Variants in SCUBE2 observed in about 807,000 individuals in gnomAD.
SCUBE2 encodes signal peptide, CUB domain and EGF like domain containing 2, also known as signal peptide, CUB and EGF-like domain-containing protein 2.
Under a neutral mutation model 125.9 loss-of-function variants are expected in SCUBE2, and 114 were observed. The ratio of observed to expected loss-of-function variants is 0.91; its 90% CI spans 0.78 to 1.06. The LOEUF (loss-of-function observed/expected upper bound fraction) is 1.06, where lower values mean the gene tolerates loss of function less well. Among genes scored for constraint, SCUBE2 ranks in the 50% least tolerant of loss-of-function variants. The pLI is 0.00. For missense variants in SCUBE2, 1,255 were observed against 1,301.8 expected, an observed-to-expected ratio of 0.96 and a Z score of 0.55; for synonymous variants, 459 against 492.9, an observed-to-expected ratio of 0.93 and a Z score of 0.91.
chr11:9,071,668 C>T (rs1860811579), intron 4 of SCUBE2, among the ~76,000 whole-genome samples: 1 of 152,174 alleles, frequency 6.6e-6, no homozygotes, highest in Admixed American at 6.5e-5. Context: ...TTCTGGTGCA[C>T]CCCAAGATCA....
In SCUBE2 at chr11:9,041,883, T is replaced by C. The variant is rs574302067; in HGVS notation, c.2002+5473A>G. 9.2e-5 allele frequency among the ~76,000 whole-genome samples: 14 copies of C among 152,124 alleles called. No individual in the cohort carries two copies. The East Asian group carries it at 2.7e-3, about 29-fold the overall frequency. On this transcript the variant is annotated intron_variant, in intron 16 of 22. Coordinates refer to ENST00000649792, the MANE Select transcript of SCUBE2 (RefSeq NM_001367977.2). Reference sequence around the variant, plus strand: ...CTAGCAGAGGAGAAGAATTCTGAGATGGGAGGGGTTGATGGGGACAGCATG... The same window carrying C: ...CTAGCAGAGGAGAAGAATTCTGAGACGGGAGGGGTTGATGGGGACAGCATG...
intron 19 of SCUBE2, 83 bp from the exon 20 acceptor site, chr11:9,027,644 C>A (rs768230183): frequency 5.3e-5 from 62 of 1,178,072 alleles, no homozygotes; most frequent in Non-Finnish European, 7.5e-5. Flanking sequence ...CCCCGCAGCA[C>A]CCCTGTTGCC....
intron 15 of SCUBE2, 58 bp from the exon 16 acceptor site, chr11:9,047,620 T>C (rs1352016648): frequency 3.9e-6 from 6 of 1,537,950 alleles, no homozygotes; most frequent in African/African-American, 1.4e-5. Context: ...CGTGTGACAA[T>C]GGCCAGATCA....
chr11:9,079,771 T>TA (rs1564848533), intron 2 of SCUBE2, among the ~76,000 whole-genome samples: 2 of 151,948 alleles, frequency 1.3e-5, no homozygotes, highest in East Asian at 1.9e-4. Flanking sequence ...GCAGCTATTT[T>TA]AAAAAAAAGA....
intron 8 of SCUBE2, among the ~76,000 whole-genome samples, chr11:9,060,041 C>G (rs1445287742): frequency 6.6e-6 from 1 of 152,190 alleles, no homozygotes; most frequent in East Asian, 1.9e-4. Flanking sequence ...GGATAATCAT[C>G]TTGACTGTTA....
rs1452341610 is a variant in SCUBE2 at position 9,059,350 on chromosome 11, C to A, written c.1043G>T (p.Gly348Val). ...CKNIVGSFDC[G>V]CKKGFKLLTD... ...TAATAATTTAAATCCTTTCTTGCAG[C>A]CGCAGTCAAAACTGCCCACGATGTT... is the stretch of plus-strand genomic sequence containing the variant. The change falls in exon 9 of 23, where the codon GGC becomes GTC. Residue 348 changes from glycine to valine, a missense_variant. Physicochemically the swap from Gly to Val is moderately radical, Grantham distance 109. This residue lies in a region of SCUBE2 where 378 missense variants were observed against 463.1 expected (regional missense o/e 0.82). Transcript: ENST00000649792. 2 of 1,614,090 alleles carry A rather than the reference C, an allele frequency of 1.2e-6. No individual in the cohort carries two copies. The highest frequency in any genetic ancestry group is 4.5e-5 in the East Asian group (2 of 44,904).
intron 1 of SCUBE2, among the ~76,000 whole-genome samples, 190 bp from the exon 2 acceptor site, chr11:9,090,019 C>G (rs1340274080): frequency 2.0e-5 from 3 of 152,062 alleles, no homozygotes; most frequent in Admixed American, 1.3e-4. Context: ...GGACACTCTA[C>G]GTGAAATTAC....
intron 16 of SCUBE2, among the ~76,000 whole-genome samples, chr11:9,042,092 C>A (rs1275797223): frequency 6.6e-6 from 1 of 152,098 alleles, no homozygotes; most frequent in Non-Finnish European, 1.5e-5. Flanking sequence ...GCTAGACTCC[C>A]AGACACCCAT....
At chr11:9,076,193 G>A (rs1305532686) in intron 3 of SCUBE2, among the ~76,000 whole-genome samples, 3 of 152,116 alleles carry the variant, frequency 2.0e-5, no homozygotes, top group Admixed American at 1.3e-4. Flanking sequence ...GACAGCCAGA[G>A]GTAGAATCCC....
intron 3 of SCUBE2, among the ~76,000 whole-genome samples, chr11:9,078,543 C>T (rs1162334259): frequency 1.3e-5 from 2 of 152,180 alleles, no homozygotes; most frequent in Non-Finnish European, 2.9e-5. Flanking sequence ...CCATTCCTAC[C>T]ACACCATAAG....
intron 13 of SCUBE2, among the ~76,000 whole-genome samples, chr11:9,051,103 C>T (rs1190774859): frequency 6.6e-6 from 1 of 152,150 alleles, no homozygotes; most frequent in East Asian, 1.9e-4. Flanking sequence ...GCAGAGGTTG[C>T]AGTGAGCTGA....
At chr11:9,069,987 A>G (rs969939417) in intron 4 of SCUBE2, among the ~76,000 whole-genome samples, 1 of 152,158 alleles carries the variant, frequency 6.6e-6, no homozygotes, top group African/African-American at 2.4e-5. Flanking sequence ...TTCTGAGGTG[A>G]GTGTGACTGT....
At chr11:9,030,183 A>G in intron 18 of SCUBE2, 138 bp from the exon 19 acceptor site, 1 of 906,498 alleles carries the variant, frequency 1.1e-6, no homozygotes. Context: ...TCTGGGGCTA[A>G]TCAACACTTA....
chr11:9,054,725 A>ATATATATATATATATATTTTTTT (rs1368153935), intron 10 of SCUBE2, among the ~76,000 whole-genome samples: 1 of 22,348 alleles, frequency 4.5e-5, no homozygotes. Flanking sequence ...ATATATATAT[A>ATATATATATATATATATTTTTTT]TTTTTTTTTT....
In SCUBE2 at chr11:9,033,714, T is replaced by C; in HGVS notation, c.2085A>G (p.Glu695=). Residue 695 remains glutamate, a synonymous_variant, in exon 17 of 23, where the codon GAA becomes GAG. Transcript: ENST00000649792. ...LCPNGTFQNE[E]GQMTCEPCPR... ...GGCATGGTTCACAAGTCATTTGTCC[T>C]TCCTCATTTTGGAAGGTTCCATTTG... 6.2e-7 allele frequency: 1 copy of C among 1,614,170 alleles called. No homozygotes were observed. The highest frequency in any genetic ancestry group is 1.1e-5 in the South Asian group (1 of 91,080).
chr11:9,040,134 G>A (rs1222697725), intron 16 of SCUBE2, among the ~76,000 whole-genome samples: 1 of 152,184 alleles, frequency 6.6e-6, no homozygotes, highest in Non-Finnish European at 1.5e-5. Flanking sequence ...TGGAGCGGAG[G>A]TTTCCCATCC....
chr11:9,033,799 A>G lies in SCUBE2; in HGVS notation c.2003-3T>C, dbSNP rs777941853. The G allele has an allele frequency of 1.9e-6, 3 of 1,614,016 alleles. No homozygotes were observed. Among genetic ancestry groups the G allele is most frequent in the Non-Finnish European group, 2.5e-6 (3 of 1,179,914 alleles). On this transcript the variant is annotated splice_polypyrimidine_tract_variant and splice_region_variant and intron_variant, in intron 16 of 22. Coordinates refer to ENST00000649792, the MANE Select transcript of SCUBE2 (RefSeq NM_001367977.2). ...ATAGGTCCCAGCCCTGCAACTGACTAGCCAAAAGGGAAACAACCTGGTCAG... is the reference window on the plus strand; with the variant it reads ...ATAGGTCCCAGCCCTGCAACTGACTGGCCAAAAGGGAAACAACCTGGTCAG...
intron 2 of SCUBE2, 124 bp downstream of exon 2, chr11:9,089,583 G>A: frequency 9.2e-7 from 1 of 1,087,780 alleles, no homozygotes; most frequent in Non-Finnish European, 1.3e-6. Flanking sequence ...CAGGTGATGT[G>A]ATTCAGGGGC....
Position 9,088,458 on chromosome 11 carries a change from G to A in SCUBE2, c.256+1249C>T, listed in dbSNP as rs551613717. On this transcript the variant is annotated intron_variant, in intron 2 of 22. Transcript: ENST00000649792. ...GGAGGCTTCAGTGAGCTGAGATCGCGCCATTGCACTCCAGCCTGGGTAACA... is the reference window on the plus strand; with the variant it reads ...GGAGGCTTCAGTGAGCTGAGATCGCACCATTGCACTCCAGCCTGGGTAACA... Among the ~76,000 whole-genome samples, 8 of 152,324 alleles carry A rather than the reference G, an allele frequency of 5.3e-5. No individual in the cohort carries two copies. The East Asian group carries it at 7.7e-4, about 15-fold the overall frequency.
Sources: allele counts gnomAD v4.1 joint callset (sites outside exome capture counted in the v4.1 genomes callset), GRCh38; gene constraint gnomAD v4.1.1; regional missense constraint gnomAD v4.1.1; transcripts MANE v1.5; gene names NCBI Gene and HGNC (gene_info 2026-07-23, HGNC 2026-07-21).